Variants in CLSTN2 observed in about 807,000 individuals in gnomAD.
CLSTN2 encodes calsyntenin 2, also known as calsyntenin-2.
In CLSTN2, 48 loss-of-function variants were observed where a neutral mutation model predicts 101.2. That is an observed-to-expected ratio of 0.47 (90% CI 0.38 to 0.60). The LOEUF is 0.60. CLSTN2 is among the 20% of genes least tolerant of loss of function. The pLI is 0.00. For synonymous variants in CLSTN2, 481 were observed against 463.6 expected (o/e 1.04, Z -0.48); for missense variants, 1,160 against 1,238.2 (o/e 0.94, Z 0.95).
At chr3:140,456,861 C>T (rs1310480331) in intron 6 of CLSTN2, among the ~76,000 whole-genome samples, 1 of 151,734 alleles carries the variant, frequency 6.6e-6, no homozygotes, top group African/African-American at 2.4e-5. Context: ...ATAGAATAAC[C>T]CTGACCAGCA....
At chr3:140,528,995 T>C (rs1935200845) in intron 8 of CLSTN2, among the ~76,000 whole-genome samples, 1 of 152,262 alleles carries the variant, frequency 6.6e-6, no homozygotes, top group African/African-American at 2.4e-5. Context: ...ATGTATCTTA[T>C]GTTGAATAGC....
At chr3:140,157,771 T>C (rs1402622764) in intron 1 of CLSTN2, among the ~76,000 whole-genome samples, 1 of 152,210 alleles carries the variant, frequency 6.6e-6, no homozygotes, top group Non-Finnish European at 1.5e-5. Flanking sequence ...TTTCTTCTAC[T>C]TGCTTTGGGG....
At chr3:139,982,877 A>G (rs1284111423) in intron 1 of CLSTN2, among the ~76,000 whole-genome samples, 1 of 151,966 alleles carries the variant, frequency 6.6e-6, no homozygotes, top group African/African-American at 2.4e-5. Flanking sequence ...ATATATAGAG[A>G]GAGACCATAT....
At chr3:140,283,516 T>C (rs558027158) in intron 2 of CLSTN2, among the ~76,000 whole-genome samples, 1 of 152,200 alleles carries the variant, frequency 6.6e-6, no homozygotes, top group South Asian at 2.1e-4. Context: ...AGGGGGAATA[T>C]GGACTTCATG....
chr3:140,531,709 T>C (rs1486393793), intron 8 of CLSTN2, among the ~76,000 whole-genome samples: 2 of 152,136 alleles, frequency 1.3e-5, no homozygotes, highest in Non-Finnish European at 2.9e-5. Flanking sequence ...CCCATCTTGG[T>C]TTCTATCTTG....
chr3:139,963,787 T>C (rs1467358855), intron 1 of CLSTN2, among the ~76,000 whole-genome samples: 1 of 152,234 alleles, frequency 6.6e-6, no homozygotes, highest in Non-Finnish European at 1.5e-5. Flanking sequence ...GGGCTGTAGT[T>C]TGTGCAGTTG....
intron 5 of CLSTN2, among the ~76,000 whole-genome samples, chr3:140,425,231 G>C (rs1017699897): frequency 2.6e-5 from 4 of 152,182 alleles, no homozygotes; most frequent in Non-Finnish European, 5.9e-5. Flanking sequence ...CTTCTTCCAG[G>C]GAGCTTTCTC....
chr3:140,443,800 G>A (rs999264802), intron 5 of CLSTN2, among the ~76,000 whole-genome samples: 9 of 152,162 alleles, frequency 5.9e-5, no homozygotes, highest in South Asian at 2.1e-4. Flanking sequence ...GGCATATCTC[G>A]TGCTACCATA....
intron 2 of CLSTN2, among the ~76,000 whole-genome samples, chr3:140,327,297 A>G (rs1281642124): frequency 6.6e-6 from 1 of 152,346 alleles, no homozygotes; most frequent in East Asian, 1.9e-4. Flanking sequence ...TCTTCACAAC[A>G]TAGTCATTAC....
rs936291303 is a variant in CLSTN2, at chr3:140,436,681, G to C, written c.788-11838G>C. ...GGCATGGACAGTGGGGCCCCGGCAG[G>C]TGTGGAAGCCCAGGGAGACCTGTGT... is the stretch of plus-strand genomic sequence containing the variant. On this transcript the variant is annotated intron_variant, in intron 5 of 16. Transcript: ENST00000458420. Among the ~76,000 whole-genome samples, 79 of 152,382 alleles carry C rather than the reference G, an allele frequency of 5.2e-4. 1 individual carries two copies. Among genetic ancestry groups the C allele is most frequent in the Admixed American group, 5.2e-3 (79 of 15,310 alleles).
At chr3:140,145,277 G>C (rs1174129492) in intron 1 of CLSTN2, among the ~76,000 whole-genome samples, 1 of 152,222 alleles carries the variant, frequency 6.6e-6, no homozygotes, top group East Asian at 1.9e-4. Flanking sequence ...CTGGCCCATA[G>C]GAGTGAAGGA....
At chr3:140,455,473 A>G (rs115851784) in intron 6 of CLSTN2, among the ~76,000 whole-genome samples, 154 of 152,250 alleles carry the variant, frequency 1.0e-3, no homozygotes, top group African/African-American at 3.6e-3. Flanking sequence ...TGCCTCATTC[A>G]TTGTGTCTGT....
chr3:139,950,303 A>G (rs943844450), intron 1 of CLSTN2, among the ~76,000 whole-genome samples: 1 of 152,154 alleles, frequency 6.6e-6, no homozygotes, highest in Non-Finnish European at 1.5e-5. Flanking sequence ...TGGTGTTGAG[A>G]GGGTCACCTT....
chr3:140,362,323 T>C (rs931827068), intron 2 of CLSTN2, among the ~76,000 whole-genome samples: 2 of 152,200 alleles, frequency 1.3e-5, no homozygotes, highest in Non-Finnish European at 2.9e-5. Context: ...GGATCATTAA[T>C]TAACTTATAC....
At chr3:140,327,116 A>G (rs2087339467) in intron 2 of CLSTN2, among the ~76,000 whole-genome samples, 1 of 152,244 alleles carries the variant, frequency 6.6e-6, no homozygotes, top group Non-Finnish European at 1.5e-5. Context: ...CAAAGAGACA[A>G]GACTAACCCA....
chr3:140,077,086 A>G (rs887865491), intron 1 of CLSTN2, among the ~76,000 whole-genome samples: 6 of 152,234 alleles, frequency 3.9e-5, no homozygotes, highest in Non-Finnish European at 8.8e-5. Flanking sequence ...AGAAGGCCAA[A>G]TTCTCTCAAT....
At chr3:140,133,582 C>A (rs1380263921) in intron 1 of CLSTN2, among the ~76,000 whole-genome samples, 1 of 152,122 alleles carries the variant, frequency 6.6e-6, no homozygotes, top group Non-Finnish European at 1.5e-5. Flanking sequence ...AGGTTCCTCC[C>A]ACAACATCTG....
At chr3:139,953,495 G>A (rs538657121) in intron 1 of CLSTN2, among the ~76,000 whole-genome samples, 8 of 152,222 alleles carry the variant, frequency 5.3e-5, no homozygotes, top group East Asian at 3.9e-4. Flanking sequence ...GTGCAGGTAG[G>A]CCTGACTTCC....
chr3:140,239,458 T>C (rs1409887907), intron 2 of CLSTN2, among the ~76,000 whole-genome samples: 1 of 152,216 alleles, frequency 6.6e-6, no homozygotes, highest in Admixed American at 6.5e-5. Flanking sequence ...AAAGAGTTTT[T>C]AAAATGAATA....
Sources: gnomAD v4.1 joint callset for allele counts (sites outside exome capture counted in the v4.1 genomes callset) on GRCh38, gnomAD v4.1.1 for gene constraint, MANE v1.5 for transcripts, NCBI Gene and HGNC (gene_info 2026-07-23, HGNC 2026-07-21) for gene names.